ATP1B2: variants seen among roughly 807,000 people sequenced by gnomAD.
ATP1B2 encodes sodium/potassium-transporting ATPase subunit beta-2.
A neutral mutation model predicts 37.3 loss-of-function variants in ATP1B2; 12 were observed. The ratio of observed to expected loss-of-function variants is 0.32; its 90% CI spans 0.21 to 0.52. The LOEUF (loss-of-function observed/expected upper bound fraction) is 0.52, where lower values mean the gene tolerates loss of function less well. Ranked by LOEUF, ATP1B2 falls within the 20% of genes least tolerant of loss-of-function variation. ATP1B2 has a pLI of 0.96. For missense variants in ATP1B2, 324 were observed against 391.6 expected, an observed-to-expected ratio of 0.83 and a Z score of 1.46; for synonymous variants, 139 against 140.5, an observed-to-expected ratio of 0.99 and a Z score of 0.07.
upstream of ATP1B2, among the ~76,000 whole-genome samples, chr17:7,650,888 G>A (rs1015069724): frequency 6.6e-6 from 1 of 152,160 alleles, no homozygotes; most frequent in Non-Finnish European, 1.5e-5. Context: ...CCCCAGAGCC[G>A]CAGAGTATAA....
rs1209834913 is a variant in ATP1B2, at chr17:7,655,195, A to G, written c.610-332A>G. Reference sequence around the variant, plus strand: ...CATCCCCTTCCTTGCTTCCTATTCAACCCTTAATCATGTATCTCTTCTTTC... The same window carrying G: ...CATCCCCTTCCTTGCTTCCTATTCAGCCCTTAATCATGTATCTCTTCTTTC... On this transcript the variant is annotated intron_variant, in intron 5 of 6. Coordinates refer to ENST00000250111, the MANE Select transcript of ATP1B2 (RefSeq NM_001678.5). This position sits in a 1 kb window ranked among gnomAD's most constrained non-coding sequence, Gnocchi z 4.4. 3 of 401,728 alleles carry G rather than the reference A, an allele frequency of 7.5e-6. No individual in the cohort carries two copies. The highest frequency in any genetic ancestry group is 2.1e-5 in the African/African-American group (1 of 48,688). 24.9% of individuals were successfully genotyped at this position (401,728 alleles called of 1,614,324 possible). A position where few individuals can be genotyped will look rare whatever the true frequency, so the allele number is the denominator to read the frequency against.
upstream of ATP1B2, among the ~76,000 whole-genome samples, chr17:7,647,886 G>A (rs758187089): frequency 1.3e-5 from 2 of 151,918 alleles, no homozygotes; most frequent in African/African-American, 2.4e-5. Context: ...AAAGCCAGGT[G>A]TGGTGATGTG....
chr17:7,651,676 A>G (rs2072614162), intron 1 of ATP1B2, 46 bp downstream of exon 1: 1 of 1,514,720 alleles, frequency 6.6e-7, no homozygotes, highest in Admixed American at 2.0e-5. Context: ...CCGCGGGGCG[A>G]CGCCTCGGGG....
At chr17:7,653,992 G>A (rs777951083) in intron 3 of ATP1B2, 47 bp downstream of exon 3, 3 of 1,613,134 alleles carry the variant, frequency 1.9e-6, no homozygotes, top group East Asian at 2.2e-5. Context: ...TCGGGCAGGG[G>A]ACTGGGGACC....
intron 1 of ATP1B2, among the ~76,000 whole-genome samples, 185 bp downstream of exon 1, chr17:7,651,815 G>A (rs2072615210): frequency 6.6e-6 from 1 of 152,070 alleles, no homozygotes; most frequent in Non-Finnish European, 1.5e-5. Flanking sequence ...GTGCGGAGGC[G>A]GAGAAAGTAG....
upstream of ATP1B2, among the ~76,000 whole-genome samples, chr17:7,648,370 G>C (rs117791982): frequency 3.1e-3 from 476 of 151,886 alleles, 8 homozygotes; most frequent in East Asian, 0.052. Flanking sequence ...TTGAGGTCAG[G>C]AACTCAAAAC....
At chr17:7,651,719 C>A in intron 1 of ATP1B2, 89 bp downstream of exon 1, 2 of 1,162,356 alleles carry the variant, frequency 1.7e-6, no homozygotes, top group Non-Finnish European at 1.2e-6. Flanking sequence ...CCCCAGCTCC[C>A]CTCCCGGGTC....
rs150238760 is a variant in ATP1B2, at chr17:7,657,680, A to G, written c.*1785A>G. On this transcript the variant is annotated 3_prime_UTR_variant, in exon 7 of 7. Coordinates refer to ENST00000250111, the MANE Select transcript of ATP1B2 (RefSeq NM_001678.5). ...CCTACCATGGTCTCTCTCTGCAGTT[A>G]TTTAATGCCTGTGTCAGATCTACTG... is the stretch of plus-strand genomic sequence containing the variant. The G allele has an allele frequency of 1.1e-4, 17 of 152,658 alleles. No individual in the cohort carries two copies. The East Asian group carries it at 2.7e-3, about 24-fold the overall frequency. 9.5% of individuals were successfully genotyped at this position (152,658 alleles called of 1,614,324 possible).
chr17:7,651,770 G>C lies in ATP1B2; in HGVS notation c.112+140G>C, dbSNP rs547730337. 4 of 709,214 alleles carry C rather than the reference G, an allele frequency of 5.6e-6. No homozygotes were observed. The African/African-American group carries it at 5.8e-5, about 10-fold the overall frequency. 43.9% of individuals were successfully genotyped at this position (709,214 alleles called of 1,614,324 possible). A position where few individuals can be genotyped will look rare whatever the true frequency, so the allele number is the denominator to read the frequency against. On this transcript the variant is annotated intron_variant, in intron 1 of 6. Transcript: ENST00000250111. ...CCCTGCCGGGCTCTGGGCTGGGAGG[G>C]GGCCGAATCGCCAGTCTAATCTCCC... is the stretch of plus-strand genomic sequence containing the variant.
At chr17:7,651,867 G>C (rs1291916960) in intron 1 of ATP1B2, among the ~76,000 whole-genome samples, 1 of 145,920 alleles carries the variant, frequency 6.9e-6, no homozygotes, top group Non-Finnish European at 1.5e-5. Context: ...CCCCTCGGGC[G>C]GGGGGTCGCC....
At position 7,654,335 on chromosome 17, in the gene ATP1B2, C is replaced by T; in HGVS notation, c.552+78C>T. ...ACCTGCAGACAATTGCATCCTTTCACTGGGGCTAATGGGCATGAGAAAGAC... is the reference window on the plus strand; with the variant it reads ...ACCTGCAGACAATTGCATCCTTTCATTGGGGCTAATGGGCATGAGAAAGAC... On this transcript the variant is annotated intron_variant, in intron 4 of 6. Coordinates refer to ENST00000250111, the MANE Select transcript of ATP1B2 (RefSeq NM_001678.5). This position sits in a 1 kb window ranked among gnomAD's most constrained non-coding sequence, Gnocchi z 4.9. 6.7e-7 allele frequency: 1 copy of T among 1,502,136 alleles called. No individual in the cohort carries two copies. Among genetic ancestry groups the T allele is most frequent in the Non-Finnish European group, 9.2e-7 (1 of 1,085,896 alleles). 93.1% of individuals were successfully genotyped at this position (1,502,136 alleles called of 1,614,324 possible).
In ATP1B2 at chr17:7,654,174, C is replaced by G. The variant is rs899452039; in HGVS notation, c.469C>G (p.Leu157Val). Residue 157 changes from leucine to valine, a missense_variant, in exon 4 of 7, where the codon CTG becomes GTG. Transcript: ENST00000250111. The surrounding 1 kb of genome is among the most constrained non-coding windows in gnomAD (Gnocchi z 4.9). ...KRACQFNRTQ[L>V]GNCSGIGDST... ...TGCCTGCCAATTCAACCGGACCCAG[C>G]TGGGCAACTGCTCCGGCATTGGGGA... 2 of 1,614,216 alleles carry G rather than the reference C, an allele frequency of 1.2e-6. No individual in the cohort carries two copies. Among genetic ancestry groups the G allele is most frequent in the Non-Finnish European group, 1.7e-6 (2 of 1,180,046 alleles).
In ATP1B2 at chr17:7,655,634, C is replaced by G. The variant is rs2150978734; in HGVS notation, c.708+9C>G. 1 of 1,614,150 alleles carries G rather than the reference C, an allele frequency of 6.2e-7. No homozygotes were observed. Among genetic ancestry groups the G allele is most frequent in the Admixed American group, 1.7e-5 (1 of 60,018 alleles). ...ATGGCAAAAAGTTCCACGTAAGTCCCAGGGGAGGCCCAGGCTGATGGCGGG... is the reference window on the plus strand; with the variant it reads ...ATGGCAAAAAGTTCCACGTAAGTCCGAGGGGAGGCCCAGGCTGATGGCGGG... On this transcript the variant is annotated intron_variant, in intron 6 of 6. Transcript: ENST00000250111. This position sits in a 1 kb window ranked among gnomAD's most constrained non-coding sequence, Gnocchi z 4.4.
chr17:7,654,303 G>T lies in ATP1B2; in HGVS notation c.552+46G>T. On this transcript the variant is annotated intron_variant, in intron 4 of 6. Coordinates refer to ENST00000250111, the MANE Select transcript of ATP1B2 (RefSeq NM_001678.5). This position sits in a 1 kb window ranked among gnomAD's most constrained non-coding sequence, Gnocchi z 4.9. ...CAGGGTGAATGGAGGAAGGATCTGGGGACACCACCTGCAGACAATTGCATC... is the reference window on the plus strand; with the variant it reads ...CAGGGTGAATGGAGGAAGGATCTGGTGACACCACCTGCAGACAATTGCATC... 6.3e-7 allele frequency: 1 copy of T among 1,593,818 alleles called. No homozygotes were observed. The highest frequency in any genetic ancestry group is 8.6e-7 in the Non-Finnish European group (1 of 1,163,520).
upstream of ATP1B2, among the ~76,000 whole-genome samples, chr17:7,648,366 T>G (rs1392893025): frequency 6.6e-6 from 1 of 151,484 alleles, no homozygotes; most frequent in Non-Finnish European, 1.5e-5. Flanking sequence ...TCATTTGAGG[T>G]CAGGAACTCA....
intron 1 of ATP1B2, among the ~76,000 whole-genome samples, chr17:7,651,841 C>G (rs771796127): frequency 1.3e-5 from 2 of 152,098 alleles, no homozygotes; most frequent in Non-Finnish European, 2.9e-5. Flanking sequence ...AGCCGCCTTC[C>G]CGCCCCCCGC....
rs984382278 is a variant in ATP1B2, at chr17:7,657,535, C to T, written c.*1640C>T. The T allele has an allele frequency of 1.3e-5, 2 of 152,166 alleles. No individual in the cohort carries two copies. The highest frequency in any genetic ancestry group is 2.9e-5 in the Non-Finnish European group (2 of 68,026). 9.4% of individuals were successfully genotyped at this position (152,166 alleles called of 1,614,324 possible). A position where few individuals can be genotyped will look rare whatever the true frequency, so the allele number is the denominator to read the frequency against. ...CCTTCACTTCCTCATCCTCTCTAAC[C>T]TCCTTTTTCTTTTTTTAATGCTGCA... is the stretch of plus-strand genomic sequence containing the variant. On this transcript the variant is annotated 3_prime_UTR_variant, in exon 7 of 7. Coordinates refer to ENST00000250111, the MANE Select transcript of ATP1B2 (RefSeq NM_001678.5).
rs749738030 is a variant in ATP1B2 at position 7,655,748 on chromosome 17, C to T, written c.726C>T (p.Pro242=). The T allele has an allele frequency of 2.5e-6, 4 of 1,614,138 alleles. No homozygotes were observed. The highest frequency in any genetic ancestry group is 3.3e-5 in the Admixed American group (2 of 60,016). The change falls in exon 7 of 7, where the codon CCC becomes CCT. Residue 242 remains proline, a synonymous_variant. Coordinates refer to ENST00000250111, the MANE Select transcript of ATP1B2 (RefSeq NM_001678.5). The surrounding 1 kb of genome is among the most constrained non-coding windows in gnomAD (Gnocchi z 4.4). Reference sequence around the variant, plus strand: ...CGGCCCAGGTGAACTACACACAGCCCCTGGTGGCTGTGAAGTTCCTGAATG... The same window carrying T: ...CGGCCCAGGTGAACTACACACAGCCTCTGGTGGCTGTGAAGTTCCTGAATG... ...GKKFHVNYTQ[P]LVAVKFLNVT... is the part of the protein sequence containing the mutation.
chr17:7,657,745 A>G lies in ATP1B2; in HGVS notation c.*1850A>G, dbSNP rs1475654356. On this transcript the variant is annotated 3_prime_UTR_variant, in exon 7 of 7. Coordinates refer to ENST00000250111, the MANE Select transcript of ATP1B2 (RefSeq NM_001678.5). ...AGTAAAATAAAATGAGAGCAATTAT[A>G]TATATAAATATATATCATACACAGA... 1 of 152,504 alleles carries G rather than the reference A, an allele frequency of 6.6e-6. No individual in the cohort carries two copies. Among genetic ancestry groups the G allele is most frequent in the Non-Finnish European group, 1.5e-5 (1 of 68,036 alleles). 9.4% of individuals were successfully genotyped at this position (152,504 alleles called of 1,614,324 possible). A position where few individuals can be genotyped will look rare whatever the true frequency, so the allele number is the denominator to read the frequency against.
Sources: gnomAD v4.1 joint callset for allele counts (sites outside exome capture counted in the v4.1 genomes callset) on GRCh38, gnomAD v4.1.1 for gene constraint, Gnocchi (gnomAD v3.1) non-coding constraint, MANE v1.5 for transcripts, NCBI Gene and HGNC (gene_info 2026-07-23, HGNC 2026-07-21) for gene names.